The following AMZ2 variants were observed in gnomAD, a reference collection of about 807,000 sequenced individuals.
AMZ2 encodes the protein archaemetzincin-2.
In AMZ2, 26 loss-of-function variants were observed where a neutral mutation model predicts 36.7. The observed-to-expected ratio is 0.71, with a 90% CI of 0.52 to 0.98. The LOEUF is 0.98. Among genes scored for constraint, AMZ2 ranks in the 50% least tolerant of loss-of-function variants. The pLI is 0.00. For synonymous variants in AMZ2, 144 were observed against 149.1 expected (o/e 0.97, Z 0.25); for missense variants, 394 against 430.5 (o/e 0.92, Z 0.75).
chr17:68,230,651 C>T (rs2073636680), intron 1 of AMZ2, among the ~76,000 whole-genome samples: 1 of 152,232 alleles, frequency 6.6e-6, no homozygotes, highest in Admixed American at 6.5e-5. Flanking sequence ...GAATGGCTCA[C>T]ACCTAGGAGT....
rs1391485420 is a variant in AMZ2 at position 68,248,130 on chromosome 17, G to A, written c.-576G>A. The A allele has an allele frequency of 1.3e-5, 13 of 986,362 alleles. No individual in the cohort carries two copies. The South Asian group carries it at 1.4e-4, about 11-fold the overall frequency. The allele number at this position is 986,362 out of a possible 1,614,324, so 61.1% of individuals were successfully genotyped here. A position where few individuals can be genotyped will look rare whatever the true frequency, so the allele number is the denominator to read the frequency against. On this transcript the variant is annotated 5_prime_UTR_variant, in exon 1 of 7. Transcript: ENST00000359904. The stretch of plus-strand genomic sequence containing the variant: ...TGTCGGGTCAGGGCGGTTCGCGGGT[G>A]CTGTCAGAGCTGGGCCGGGGCCCCT...
intron 1 of AMZ2, among the ~76,000 whole-genome samples, chr17:68,213,576 GCTGT>G (rs1464007232): frequency 6.6e-6 from 1 of 152,172 alleles, no homozygotes; most frequent in Non-Finnish European, 1.5e-5. Context: ...CGGAATCTTC[GCTGT>G]CTATGGTGTT....
chr17:68,256,862 A>G lies in AMZ2; in HGVS notation c.976A>G (p.Thr326Ala), dbSNP rs138710436. Residue 326 changes from threonine to alanine, a missense_variant, in exon 7 of 7, where the codon ACT becomes GCT. Coordinates refer to ENST00000359904, the MANE Select transcript of AMZ2 (RefSeq NM_016627.5). ...DDESSDTPGA[T>A]PEHSHEDNGN... is the part of the protein sequence containing the mutation. ...TGAATCTTCTGACACACCTGGAGCA[A>G]CTCCAGAACACAGTCACGAGGATAA... The G allele has an allele frequency of 5.8e-5, 94 of 1,613,700 alleles. No individual in the cohort carries two copies. The highest frequency in any genetic ancestry group is 1.1e-5 in the Non-Finnish European group (13 of 1,179,928).
At chr17:68,211,656 A>C (rs1568339606) in intron 1 of AMZ2, among the ~76,000 whole-genome samples, 1 of 149,914 alleles carries the variant, frequency 6.7e-6, no homozygotes, top group African/African-American at 2.4e-5. Context: ...AAAAATAAAA[A>C]GTGGTATGAA....
intron 1 of AMZ2, chr17:68,206,486 C>A (rs1466535746): frequency 1.7e-5 from 3 of 176,170 alleles, no homozygotes; most frequent in Non-Finnish European, 2.3e-5. Flanking sequence ...CTCTCTCTCC[C>A]CCCCAACCTC....
intron 1 of AMZ2, among the ~76,000 whole-genome samples, chr17:68,228,597 C>T (rs1158956868): frequency 3.3e-5 from 5 of 152,244 alleles, no homozygotes; most frequent in African/African-American, 7.2e-5. Flanking sequence ...GCATTCCTTT[C>T]GCTGCTTTCA....
At chr17:68,212,558 T>C (rs2073094617) in intron 1 of AMZ2, among the ~76,000 whole-genome samples, 1 of 152,090 alleles carries the variant, frequency 6.6e-6, no homozygotes, top group Admixed American at 6.6e-5. Context: ...TTTAATTAAA[T>C]AATTTTTTTT....
intron 1 of AMZ2, among the ~76,000 whole-genome samples, chr17:68,215,462 A>C (rs1169229442): frequency 1.5e-5 from 2 of 137,096 alleles, no homozygotes; most frequent in African/African-American, 5.4e-5. Flanking sequence ...GCTGAGGCAC[A>C]GGAATCGCTT....
Position 68,248,103 on chromosome 17 carries a change from C to T in AMZ2, c.-603C>T. ...CTGCCGCGGGTGGGTGGTATCGAGGCCTGTCGGGTCAGGGCGGTTCGCGGG... is the reference window on the plus strand; with the variant it reads ...CTGCCGCGGGTGGGTGGTATCGAGGTCTGTCGGGTCAGGGCGGTTCGCGGG... On this transcript the variant is annotated 5_prime_UTR_variant, in exon 1 of 7. Transcript: ENST00000359904. 1 of 986,380 alleles carries T rather than the reference C, an allele frequency of 1.0e-6. No individual in the cohort carries two copies. Among genetic ancestry groups the T allele is most frequent in the African/African-American group, 1.7e-5 (1 of 57,372 alleles). The allele number at this position is 986,380 out of a possible 1,614,324, so 61.1% of individuals were successfully genotyped here.
chr17:68,234,696 G>A (rs57208494), intron 1 of AMZ2, among the ~76,000 whole-genome samples: 4 of 151,862 alleles, frequency 2.6e-5, no homozygotes, highest in Non-Finnish European at 4.4e-5. Flanking sequence ...CTTGAGCCCA[G>A]AAGGTCAAGG....
upstream of AMZ2, chr17:68,246,617 G>GA (rs1366521100): frequency 6.6e-6 from 1 of 152,198 alleles, no homozygotes; most frequent in Non-Finnish European, 1.5e-5. Context: ...CAAACTTTGA[G>GA]AACAGTCATG....
In AMZ2 at chr17:68,250,150, T is replaced by C. The variant is rs371702454; in HGVS notation, c.1-38T>C. 432 of 1,588,766 alleles carry C rather than the reference T, an allele frequency of 2.7e-4. No individual in the cohort carries two copies. The African/African-American group carries it at 4.1e-3, about 15-fold the overall frequency. On this transcript the variant is annotated intron_variant, in intron 1 of 6. Coordinates refer to ENST00000359904, the MANE Select transcript of AMZ2 (RefSeq NM_016627.5). ...ATAGGTAAAGTCCCCAATGTAGATA[T>C]GTATTTTTATATTTGATTACTTGCT... is the stretch of plus-strand genomic sequence containing the variant.
intron 6 of AMZ2, 81 bp from the exon 7 acceptor site, chr17:68,256,733 A>G: frequency 1.4e-6 from 2 of 1,452,198 alleles, no homozygotes; most frequent in Middle Eastern, 1.8e-4. Context: ...TCACCCTATG[A>G]TCTAGAAGCC....
intron 1 of AMZ2, among the ~76,000 whole-genome samples, chr17:68,217,881 C>T (rs567828553): frequency 2.5e-4 from 37 of 148,108 alleles, no homozygotes; most frequent in African/African-American, 9.3e-4. Context: ...GACGTGATCT[C>T]AGCTCACTGC....
At chr17:68,250,146 G>T in intron 1 of AMZ2, 42 bp from the exon 2 acceptor site, 1 of 1,581,756 alleles carries the variant, frequency 6.3e-7, no homozygotes, top group Non-Finnish European at 8.6e-7. Context: ...CCCCAATGTA[G>T]ATATGTATTT....
intron 1 of AMZ2, among the ~76,000 whole-genome samples, chr17:68,216,819 A>G: frequency 6.6e-6 from 1 of 152,170 alleles, no homozygotes; most frequent in East Asian, 1.9e-4. Context: ...TCACAAGGTC[A>G]GGAGTTTGAG....
chr17:68,233,508 C>CAA (rs35601824), intron 1 of AMZ2, among the ~76,000 whole-genome samples: 4 of 78,430 alleles, frequency 5.1e-5, no homozygotes, highest in African/African-American at 5.1e-5. Context: ...AACTATGTCT[C>CAA]AAAAAAAAAA....
At chr17:68,211,770 G>T (rs57828952) in intron 1 of AMZ2, among the ~76,000 whole-genome samples, 2 of 125,616 alleles carry the variant, frequency 1.6e-5, no homozygotes, top group South Asian at 2.3e-4. Flanking sequence ...GTATATATGT[G>T]TATATGTATA....
At chr17:68,211,794 A>ATATGTATATGTATATATGTATGTGTATG (rs1568340199) in intron 1 of AMZ2, among the ~76,000 whole-genome samples, 2 of 87,830 alleles carry the variant, frequency 2.3e-5, no homozygotes, top group South Asian at 3.4e-4. Context: ...GTATATGTAT[A>ATATGTATATGTATATATGTATGTGTATG]TATGTGTATA....
Sources: gnomAD v4.1 joint callset for allele counts (sites outside exome capture counted in the v4.1 genomes callset) on GRCh38, gnomAD v4.1.1 for gene constraint, MANE v1.5 for transcripts, NCBI Gene and HGNC (gene_info 2026-07-23, HGNC 2026-07-21) for gene names.